Variants in DPY19L2 observed in about 807,000 individuals in gnomAD.
DPY19L2 encodes dpy-19 like 2, also known as probable C-mannosyltransferase DPY19L2.
In DPY19L2, 34 loss-of-function variants were observed where a neutral mutation model predicts 97.9. The observed-to-expected ratio is 0.35, with a 90% CI of 0.26 to 0.46. The LOEUF is 0.46. DPY19L2 is among the 20% of genes least tolerant of loss of function. The probability of loss-of-function intolerance (pLI) is 1.00; values close to 1 mark genes in which losing one functional copy is unlikely to be tolerated. For missense variants in DPY19L2, 623 were observed against 911.4 expected (o/e 0.68, Z 4.07); for synonymous variants, 230 against 307.9 (o/e 0.75, Z 2.65).
intron 6 of DPY19L2, among the ~76,000 whole-genome samples, chr12:63,632,600 G>A (rs1890896861): frequency 6.6e-6 from 1 of 152,128 alleles, no homozygotes; most frequent in South Asian, 2.1e-4. Context: ...CCATGCTCAT[G>A]GGTAGGAAGA....
At position 63,668,082 on chromosome 12, in the gene DPY19L2, G is replaced by A. The variant is rs1426577067; in HGVS notation, c.312C>T (p.Phe104=). Reference sequence around the variant, plus strand: ...CGATGCCGAGAGTGGTTCTGCTGGAGAACCGCCGCGCCTGCAGTTCCTGCA... The same window carrying A: ...CGATGCCGAGAGTGGTTCTGCTGGAAAACCGCCGCGCCTGCAGTTCCTGCA... The part of the protein sequence containing the change: ...EKVQELQARR[F]SSRTTLGIAV... The change falls in exon 1 of 22, where the codon TTC becomes TTT. Residue 104 remains phenylalanine, a synonymous_variant. Coordinates refer to ENST00000324472, the MANE Select transcript of DPY19L2 (RefSeq NM_173812.5). 1 of 1,613,866 alleles carries A rather than the reference G, an allele frequency of 6.2e-7. No individual in the cohort carries two copies. Among genetic ancestry groups the A allele is most frequent in the Non-Finnish European group, 8.5e-7 (1 of 1,179,966 alleles).
chr12:63,660,416 G>T (rs1244464228), intron 4 of DPY19L2, among the ~76,000 whole-genome samples: 4 of 151,746 alleles, frequency 2.6e-5, no homozygotes, highest in African/African-American at 4.8e-5. Flanking sequence ...CATTTATGTG[G>T]ACTTAAAGCA....
intron 16 of DPY19L2, among the ~76,000 whole-genome samples, chr12:63,590,135 ACAAC>A (rs543504680): frequency 1.3e-3 from 193 of 150,644 alleles, no homozygotes; most frequent in African/African-American, 4.1e-3. Flanking sequence ...AAACAAAACA[ACAAC>A]AACAACAACA....
chr12:63,593,557 G>T (rs191755196), intron 16 of DPY19L2, among the ~76,000 whole-genome samples: 2,676 of 151,958 alleles, frequency 0.018, 72 homozygotes, highest in African/African-American at 0.06. Context: ...ACCAAACACC[G>T]CATATTCTCA....
intron 6 of DPY19L2, among the ~76,000 whole-genome samples, chr12:63,630,597 G>C (rs948584513): frequency 4.6e-5 from 7 of 152,116 alleles, no homozygotes; most frequent in African/African-American, 7.2e-5. Flanking sequence ...AAGAGACTTA[G>C]ACTCCCACAC....
chr12:63,583,969 A>C, intron 16 of DPY19L2, 133 bp from the exon 17 acceptor site: 1 of 627,722 alleles, frequency 1.6e-6, no homozygotes, highest in Non-Finnish European at 2.7e-6. Flanking sequence ...AAAATACATA[A>C]AAATAAAAAT....
intron 10 of DPY19L2, among the ~76,000 whole-genome samples, chr12:63,617,705 A>C (rs1307737623): frequency 6.6e-6 from 1 of 152,026 alleles, no homozygotes; most frequent in Non-Finnish European, 1.5e-5. Context: ...CAGTTTTACT[A>C]ATCATATTTT....
In DPY19L2 at chr12:63,668,264, C is replaced by A. The variant is rs755679769; in HGVS notation, c.130G>T (p.Gly44Cys). 1 of 1,613,872 alleles carries A rather than the reference C, an allele frequency of 6.2e-7. No homozygotes were observed. Among genetic ancestry groups the A allele is most frequent in the Non-Finnish European group, 8.5e-7 (1 of 1,179,866 alleles). ...CAGGAGCCCCTTGGCAGTTTCCCGC[C>A]GCCTAGGGCCGACTTTTCCATCTCC... ...EEEMEKSALG[G>C]GKLPRGSWRS... The change falls in exon 1 of 22, where the codon GGC (glycine) becomes TGC (cysteine). Residue 44 changes from glycine to cysteine, a missense_variant. By Grantham distance (159) the Gly-to-Cys change is radical. Around this residue, in one of 6 missense-constraint regions of DPY19L2, gnomAD observed 144 missense variants for 119.4 expected, o/e 1.21. Coordinates refer to ENST00000324472, the MANE Select transcript of DPY19L2 (RefSeq NM_173812.5).
intron 6 of DPY19L2, among the ~76,000 whole-genome samples, chr12:63,637,947 C>T (rs1271044279): frequency 6.6e-6 from 1 of 152,050 alleles, no homozygotes; most frequent in African/African-American, 2.4e-5. Context: ...AACATTGATA[C>T]AAAAATCCTC....
In DPY19L2 at chr12:63,559,485, C is replaced by T. The variant is rs1384466708; in HGVS notation, c.*1027G>A. 1 of 152,490 alleles carries T rather than the reference C, an allele frequency of 6.6e-6. No individual in the cohort carries two copies. Among genetic ancestry groups the T allele is most frequent in the Non-Finnish European group, 1.5e-5 (1 of 67,982 alleles). 9.4% of individuals were successfully genotyped at this position (152,490 alleles called of 1,614,324 possible). A position where few individuals can be genotyped will look rare whatever the true frequency, so the allele number is the denominator to read the frequency against. On this transcript the variant is annotated 3_prime_UTR_variant, in exon 22 of 22. Coordinates refer to ENST00000324472, the MANE Select transcript of DPY19L2 (RefSeq NM_173812.5). Reference sequence around the variant, plus strand: ...GGCAAGAGTATCTTCAAGATAACTACCACTTTTCAAAGCACTATTGTTGGG... The same window carrying T: ...GGCAAGAGTATCTTCAAGATAACTATCACTTTTCAAAGCACTATTGTTGGG...
chr12:63,651,877 G>T, intron 4 of DPY19L2: 1 of 381,948 alleles, frequency 2.6e-6, no homozygotes, highest in Non-Finnish European at 4.6e-6. Context: ...AATCTGATTG[G>T]TGGCCTAGCT....
In DPY19L2 at chr12:63,569,208, T is replaced by C. The variant is rs745408384; in HGVS notation, c.2126+16A>G. The C allele has an allele frequency of 2.6e-5, 41 of 1,585,224 alleles. No homozygotes were observed. Among genetic ancestry groups the C allele is most frequent in the Non-Finnish European group, 3.2e-5 (37 of 1,169,084 alleles). On this transcript the variant is annotated intron_variant, in intron 21 of 21. Coordinates refer to ENST00000324472, the MANE Select transcript of DPY19L2 (RefSeq NM_173812.5). ...CAAAAATATACCATATCAGATAGCATAGGGTTAATACTCACTTAGTTCTCA... is the reference window on the plus strand; with the variant it reads ...CAAAAATATACCATATCAGATAGCACAGGGTTAATACTCACTTAGTTCTCA...
chr12:63,563,156 C>G (rs1876968773), intron 21 of DPY19L2, among the ~76,000 whole-genome samples: 1 of 152,046 alleles, frequency 6.6e-6, no homozygotes, highest in Non-Finnish European at 1.5e-5. Context: ...GTTTTTTATA[C>G]ATCTAGAGAA....
chr12:63,659,717 A>G (rs1895425375), intron 4 of DPY19L2, among the ~76,000 whole-genome samples: 2 of 152,054 alleles, frequency 1.3e-5, no homozygotes, highest in South Asian at 4.2e-4. Flanking sequence ...TCAATGGGGG[A>G]AAAGACAGTT....
intron 19 of DPY19L2, among the ~76,000 whole-genome samples, chr12:63,576,538 G>C (rs1432350540): frequency 6.7e-6 from 1 of 150,254 alleles, no homozygotes; most frequent in Non-Finnish European, 1.5e-5. Flanking sequence ...CTTATATTTA[G>C]AAAAACCTAA....
In DPY19L2 at chr12:63,579,701, G is replaced by A. The variant is rs12321316; in HGVS notation, c.1900+961C>T. On this transcript the variant is annotated intron_variant, in intron 19 of 21. Coordinates refer to ENST00000324472, the MANE Select transcript of DPY19L2 (RefSeq NM_173812.5). ...AGTGATTACCTTGAGCTCCTATGTG[G>A]AAAAAGTCAGTTGGGGATTACTTTT... Among the ~76,000 whole-genome samples the A allele has an allele frequency of 3.3e-4, 50 of 152,174 alleles. 1 individual carries two copies. Among genetic ancestry groups the A allele is most frequent in the African/African-American group, 1.2e-3 (50 of 41,478 alleles).
At chr12:63,566,161 T>G (rs1877644596) in intron 21 of DPY19L2, among the ~76,000 whole-genome samples, 1 of 152,114 alleles carries the variant, frequency 6.6e-6, no homozygotes, top group South Asian at 2.1e-4. Context: ...TGGAAGAATT[T>G]AGTCCTCTTT....
rs191639188 is a variant in DPY19L2 at position 63,643,972 on chromosome 12, G to A, written c.803+431C>T. On this transcript the variant is annotated intron_variant, in intron 6 of 21. Transcript: ENST00000324472. ...CTGGTCTCGCTGCTGCTTCATCGTG[G>A]TACTCTTATCAAGATAGACATGCTA... 5.4e-3 allele frequency among the ~76,000 whole-genome samples: 819 copies of A among 152,200 alleles called. 8 individuals carry two copies. The highest frequency in any genetic ancestry group is 0.024 in the Middle Eastern group (7 of 294).
chr12:63,655,576 A>G (rs1894854304), intron 4 of DPY19L2, among the ~76,000 whole-genome samples: 1 of 152,164 alleles, frequency 6.6e-6, no homozygotes, highest in Non-Finnish European at 1.5e-5. Context: ...AACTGGAGAG[A>G]GAAGATATGA....
Sources: gnomAD v4.1 joint callset for allele counts (sites outside exome capture counted in the v4.1 genomes callset) on GRCh38, gnomAD v4.1.1 for gene constraint, gnomAD v4.1.1 regional missense constraint, MANE v1.5 for transcripts, NCBI Gene and HGNC (gene_info 2026-07-23, HGNC 2026-07-21) for gene names.